The following SV2B variants were observed in gnomAD, a reference collection of about 807,000 sequenced individuals.
SV2B encodes solute carrier family 22 member B2.
In SV2B, 41 loss-of-function variants were observed where a neutral mutation model predicts 73.9. The observed-to-expected ratio is 0.56, with a 90% CI of 0.43 to 0.72. SV2B has a LOEUF of 0.72. Ranked by LOEUF, SV2B falls within the 30% of genes least tolerant of loss-of-function variation. The pLI, the probability that SV2B is intolerant of heterozygous loss-of-function variation, is 0.00. For synonymous variants in SV2B, 314 were observed against 314.2 expected, an observed-to-expected ratio of 1.00 and a Z score of 0.01; for missense variants, 764 against 857.8, an observed-to-expected ratio of 0.89 and a Z score of 1.37.
rs2042608878 is a variant in SV2B, at chr15:91,130,502, A to G, written c.-392+30139A>G. Among the ~76,000 whole-genome samples, 1 of 152,010 alleles carries G rather than the reference A, an allele frequency of 6.6e-6. No homozygotes were observed. The highest frequency in any genetic ancestry group is 2.1e-4 in the South Asian group (1 of 4,814). On this transcript the variant is annotated intron_variant, in intron 1 of 12. Coordinates refer to ENST00000394232, the MANE Select transcript of SV2B (RefSeq NM_001323032.3). The surrounding 1 kb of genome is among the most constrained non-coding windows in gnomAD (Gnocchi z 5.6). Reference sequence around the variant, plus strand: ...TGGAAGTGGAGGGTAAGGAACAGGGAATGAGAGAGAGAGAGAGAAGCAGCT... The same window carrying G: ...TGGAAGTGGAGGGTAAGGAACAGGGGATGAGAGAGAGAGAGAGAAGCAGCT...
At chr15:91,199,335 C>G (rs1403799306) in intron 1 of SV2B, among the ~76,000 whole-genome samples, 1 of 151,956 alleles carries the variant, frequency 6.6e-6, no homozygotes, top group Non-Finnish European at 1.5e-5. Context: ...GGGGGCAGAC[C>G]CAGGTCTAAC....
chr15:91,175,193 C>A (rs779076388), intron 1 of SV2B, among the ~76,000 whole-genome samples: 3 of 152,088 alleles, frequency 2.0e-5, no homozygotes, highest in African/African-American at 4.8e-5. Context: ...AATTTTATCT[C>A]ATTGATGTGT....
rs1013289049 is a variant in SV2B at position 91,296,069 on chromosome 15, T to A, written c.*3517T>A. 9.9e-5 allele frequency: 15 copies of A among 152,190 alleles called. No homozygotes were observed. Among genetic ancestry groups the A allele is most frequent in the African/African-American group, 3.6e-4 (15 of 41,436 alleles). 9.4% of individuals were successfully genotyped at this position (152,190 alleles called of 1,614,324 possible). A position where few individuals can be genotyped will look rare whatever the true frequency, so the allele number is the denominator to read the frequency against. ...CTTTGAGGAGTGTACCAATTTTTTATCTTTATAAACCAGGTAAGGGAAATG... is the reference window on the plus strand; with the variant it reads ...CTTTGAGGAGTGTACCAATTTTTTAACTTTATAAACCAGGTAAGGGAAATG... On this transcript the variant is annotated 3_prime_UTR_variant, in exon 13 of 13. Coordinates refer to ENST00000394232, the MANE Select transcript of SV2B (RefSeq NM_001323032.3).
rs527317322 is a variant in SV2B at position 91,267,389 on chromosome 15, C to A, written c.1120-166C>A. The stretch of plus-strand genomic sequence containing the variant: ...AGCCAGTAGGAAGAGAAGAGGCTTT[C>A]CTTGTTATTTGGACAGTTTTGCTGC... On this transcript the variant is annotated intron_variant, in intron 7 of 12. Transcript: ENST00000394232. The surrounding 1 kb of genome is among the most constrained non-coding windows in gnomAD (Gnocchi z 4.3). Among the ~76,000 whole-genome samples the A allele has an allele frequency of 1.7e-4, 26 of 152,250 alleles. No homozygotes were observed. Among genetic ancestry groups the A allele is most frequent in the African/African-American group, 6.3e-4 (26 of 41,548 alleles).
At chr15:91,262,082 G>A (rs2047927545) in intron 6 of SV2B, among the ~76,000 whole-genome samples, 2 of 152,144 alleles carry the variant, frequency 1.3e-5, no homozygotes, top group African/African-American at 4.8e-5. Flanking sequence ...TTTTCAGGCA[G>A]GATCACACGG....
At chr15:91,108,856 A>T (rs989798887) in intron 1 of SV2B, among the ~76,000 whole-genome samples, 2 of 152,150 alleles carry the variant, frequency 1.3e-5, no homozygotes, top group Non-Finnish European at 2.9e-5. Flanking sequence ...AAAGACCCAC[A>T]CCTGGGTTCC....
At chr15:91,167,461 A>C (rs1284596321) in intron 1 of SV2B, among the ~76,000 whole-genome samples, 2 of 152,176 alleles carry the variant, frequency 1.3e-5, no homozygotes, top group Admixed American at 1.3e-4. Flanking sequence ...TTAAGAGAGA[A>C]TACATTTCTT....
Position 91,267,805 on chromosome 15 carries a change from C to CTT in SV2B, c.1208+177_1208+178dup, listed in dbSNP as rs56033749. Among the ~76,000 whole-genome samples the CTT allele has an allele frequency of 0.076, 10,773 of 141,856 alleles. 1,198 individuals are homozygous for CTT. The highest frequency in any genetic ancestry group is 0.24 in the African/African-American group (9,233 of 38,202). 93.1% of individuals were successfully genotyped at this position (141,856 alleles called of 152,430 possible). A position where few individuals can be genotyped will look rare whatever the true frequency, so the allele number is the denominator to read the frequency against. Reference sequence around the variant, plus strand: ...TCTAGTGGCTTCTACAAAGAAGAAACTTTTTTTTTTTTTTTTGAGACAGAG... The same window carrying CTT: ...TCTAGTGGCTTCTACAAAGAAGAAACTTTTTTTTTTTTTTTTTTGAGACAGAG... On this transcript the variant is annotated intron_variant, in intron 8 of 12. Coordinates refer to ENST00000394232, the MANE Select transcript of SV2B (RefSeq NM_001323032.3). This position sits in a 1 kb window ranked among gnomAD's most constrained non-coding sequence, Gnocchi z 4.3.
intron 1 of SV2B, among the ~76,000 whole-genome samples, chr15:91,108,249 A>G (rs969609358): frequency 6.6e-6 from 1 of 152,210 alleles, no homozygotes; most frequent in African/African-American, 2.4e-5. Context: ...CAATAATAAA[A>G]TGTCTAGCCT....
At chr15:91,103,964 G>A (rs12903174) in intron 1 of SV2B, among the ~76,000 whole-genome samples, 81,919 of 152,004 alleles carry the variant, frequency 0.54, 22,908 homozygotes, top group African/African-American at 0.58. Flanking sequence ...TGGCTTGGCT[G>A]GTGGGTCTTC....
rs1435939528 is a variant in SV2B at position 91,100,524 on chromosome 15, A to T, written c.-392+161A>T. ...TGGCACAAAAGATCGGAGAGTCTTG[A>T]AAAACCGGCGCAGAAAAGCAAGGAC... On this transcript the variant is annotated intron_variant, in intron 1 of 12. Coordinates refer to ENST00000394232, the MANE Select transcript of SV2B (RefSeq NM_001323032.3). The surrounding 1 kb of genome is among the most constrained non-coding windows in gnomAD (Gnocchi z 6.4). 6.6e-6 allele frequency among the ~76,000 whole-genome samples: 1 copy of T among 152,334 alleles called. No homozygotes were observed. The highest frequency in any genetic ancestry group is 3.4e-3 in the Middle Eastern group (1 of 294).
Position 91,178,839 on chromosome 15 carries a change from A to T in SV2B, c.-391-47034A>T, listed in dbSNP as rs1356346104. ...TCAATTTTGTTGATCCTTTCAACAA[A>T]CCAGCTCCTGGATTCATTAATTTTT... is the stretch of plus-strand genomic sequence containing the variant. On this transcript the variant is annotated intron_variant, in intron 1 of 12. Transcript: ENST00000394232. Among the ~76,000 whole-genome samples, 3 of 142,156 alleles carry T rather than the reference A, an allele frequency of 2.1e-5. No individual in the cohort carries two copies. In the Admixed American group the frequency reaches 2.1e-4, roughly 10 times the overall value. 93.3% of individuals were successfully genotyped at this position (142,156 alleles called of 152,430 possible).
chr15:91,238,185 T>C (rs930098120), intron 2 of SV2B, among the ~76,000 whole-genome samples: 4 of 152,256 alleles, frequency 2.6e-5, no homozygotes, highest in African/African-American at 9.6e-5. Context: ...TTCCTTTTTT[T>C]CTAATTTAAA....
At chr15:91,263,477 GACAC>G (rs377065333) in intron 6 of SV2B, among the ~76,000 whole-genome samples, 3 of 147,790 alleles carry the variant, frequency 2.0e-5, no homozygotes, top group African/African-American at 5.0e-5. Flanking sequence ...GACACACAGG[GACAC>G]ACACACACAG....
rs1271121745 is a variant in SV2B at position 91,232,150 on chromosome 15, AG to A, written c.451+5442del. Among the ~76,000 whole-genome samples, 5 of 152,238 alleles carry A rather than the reference AG, an allele frequency of 3.3e-5. No homozygotes were observed. The East Asian group carries it at 9.6e-4, about 29-fold the overall frequency. On this transcript the variant is annotated intron_variant, in intron 2 of 12. Coordinates refer to ENST00000394232, the MANE Select transcript of SV2B (RefSeq NM_001323032.3). This position sits in a 1 kb window ranked among gnomAD's most constrained non-coding sequence, Gnocchi z 4.7. ...TGTGTCTCAGAAGGGGGTGGCATGG[AG>A]GGGGGTCACTTCTGTGGCACAAAAT...
rs529885442 is a variant in SV2B, at chr15:91,141,464, G to C, written c.-392+41101G>C. On this transcript the variant is annotated intron_variant, in intron 1 of 12. Transcript: ENST00000394232. The surrounding 1 kb of genome is among the most constrained non-coding windows in gnomAD (Gnocchi z 4.6). ...GTTCATTGAGGTATCCTGGTCAAGG[G>C]TGGAGAGAGGTTCCGCTTTGAGGGC... 1.3e-5 allele frequency among the ~76,000 whole-genome samples: 2 copies of C among 152,258 alleles called. No individual in the cohort carries two copies. Among genetic ancestry groups the C allele is most frequent in the African/African-American group, 4.8e-5 (2 of 41,536 alleles).
chr15:91,228,185 T>C (rs2046446811), intron 2 of SV2B, among the ~76,000 whole-genome samples: 1 of 152,182 alleles, frequency 6.6e-6, no homozygotes, highest in South Asian at 2.1e-4. Context: ...AAGGGCCATT[T>C]GAAATGATTA....
chr15:91,099,746 C>A (rs368873899), upstream of SV2B, among the ~76,000 whole-genome samples: 3 of 152,200 alleles, frequency 2.0e-5, no homozygotes, highest in Admixed American at 6.5e-5. Context: ...TCGAACAGCA[C>A]CATGATCGAC....
rs2047559534 is a variant in SV2B at position 91,253,238 on chromosome 15, A to G, written c.784+718A>G. Among the ~76,000 whole-genome samples the G allele has an allele frequency of 6.6e-6, 1 of 152,254 alleles. No homozygotes were observed. The highest frequency in any genetic ancestry group is 1.9e-4 in the East Asian group (1 of 5,200). ...CTTTTGGAGTATACTTAGTAATACT[A>G]TCATCATCATTCAAAATCATTTTTG... On this transcript the variant is annotated intron_variant, in intron 4 of 12. Transcript: ENST00000394232. This position sits in a 1 kb window ranked among gnomAD's most constrained non-coding sequence, Gnocchi z 5.0.
Sources: allele counts gnomAD v4.1 joint callset (sites outside exome capture counted in the v4.1 genomes callset), GRCh38; gene constraint gnomAD v4.1.1; non-coding constraint Gnocchi (gnomAD v3.1); transcripts MANE v1.5; gene names NCBI Gene and HGNC (gene_info 2026-07-23, HGNC 2026-07-21).